The following EIF3L variants were observed in gnomAD, a reference collection of about 807,000 sequenced individuals.
The protein encoded by EIF3L is eukaryotic translation initiation factor 3 subunit L.
In EIF3L, 32 loss-of-function variants were observed where a neutral mutation model predicts 74.6. That is an observed-to-expected ratio of 0.43 (90% confidence interval 0.32 to 0.58). EIF3L has a LOEUF of 0.58. Among genes scored for constraint, EIF3L ranks in the 20% least tolerant of loss-of-function variants. The probability of loss-of-function intolerance (pLI) is 0.06; values close to 1 mark genes in which losing one functional copy is unlikely to be tolerated. For synonymous variants in EIF3L, 256 were observed against 254.4 expected, an observed-to-expected ratio of 1.01 and a Z score of -0.06; for missense variants, 474 against 707.8, an observed-to-expected ratio of 0.67 and a Z score of 3.75.
At chr22:37,858,797 G>A in intron 5 of EIF3L, 57 bp downstream of exon 5, 1 of 1,458,060 alleles carries the variant, frequency 6.9e-7, no homozygotes, top group Non-Finnish European at 9.4e-7. Flanking sequence ...ACTCTGTGCT[G>A]TTTTTGTCCC....
chr22:37,866,437 G>C (rs572332014), intron 7 of EIF3L, among the ~76,000 whole-genome samples: 1 of 152,276 alleles, frequency 6.6e-6, no homozygotes, highest in East Asian at 1.9e-4. Context: ...ATTGTGGATT[G>C]AACGATACTT....
rs1482001559 is a variant in EIF3L at position 37,877,968 on chromosome 22, T to C, written c.1372T>C (p.Ser458Pro). The C allele has an allele frequency of 1.9e-6, 3 of 1,612,574 alleles. No homozygotes were observed. Among genetic ancestry groups the C allele is most frequent in the Non-Finnish European group, 2.5e-6 (3 of 1,179,878 alleles). Residue 458 changes from serine to proline, a missense_variant, in exon 11 of 13, where the codon TCA (serine) becomes CCA (proline). Transcript: ENST00000652021. ...TGAAGTACAGCAGCAGGCCCAGCTT[T>C]CAACCATCCGCAGCTTCCTGAAGCT... ...SDEVQQQAQL[S>P]TIRSFLKLYT... is the part of the protein sequence containing the mutation.
intron 4 of EIF3L, among the ~76,000 whole-genome samples, chr22:37,858,072 A>G (rs1330369404): frequency 1.3e-5 from 2 of 151,818 alleles, no homozygotes; most frequent in African/African-American, 4.8e-5. Flanking sequence ...CCTACTCGGG[A>G]GGCTGAGGTG....
At chr22:37,856,640 T>C (rs1601755658) in intron 4 of EIF3L, among the ~76,000 whole-genome samples, 1 of 151,426 alleles carries the variant, frequency 6.6e-6, no homozygotes, top group Non-Finnish European at 1.5e-5. Flanking sequence ...AGGTCGGGAG[T>C]TCGAGACCAG....
intron 10 of EIF3L, chr22:37,877,409 A>C (rs924040307): frequency 1.2e-5 from 5 of 433,384 alleles, no homozygotes; most frequent in Non-Finnish European, 2.0e-5. Context: ...TTGACCTGCT[A>C]GTGATGTGTG....
intron 11 of EIF3L, chr22:37,881,744 T>A (rs1198920226): frequency 6.6e-6 from 1 of 152,146 alleles, no homozygotes; most frequent in Non-Finnish European, 1.5e-5. Context: ...CAAATGTCCA[T>A]AGGGCAGAGG....
intron 11 of EIF3L, 174 bp from the exon 12 acceptor site, chr22:37,886,591 T>C: frequency 2.4e-6 from 1 of 415,896 alleles, no homozygotes; most frequent in Non-Finnish European, 4.4e-6. Context: ...AAAGAAAAAC[T>C]CTCTAGAAAG....
intron 3 of EIF3L, among the ~76,000 whole-genome samples, chr22:37,855,300 G>T (rs1925440872): frequency 6.6e-6 from 1 of 152,142 alleles, no homozygotes; most frequent in Non-Finnish European, 1.5e-5. Flanking sequence ...GTTAAATATG[G>T]CTATAGTTAA....
At chr22:37,886,449 A>G (rs1251694841) in intron 11 of EIF3L, 2 of 169,970 alleles carry the variant, frequency 1.2e-5, no homozygotes, top group African/African-American at 4.8e-5. Context: ...GGAGCCTGTA[A>G]TCCCAGCTAC....
chr22:37,865,624 T>C (rs1388345372), intron 7 of EIF3L, among the ~76,000 whole-genome samples: 3 of 152,202 alleles, frequency 2.0e-5, no homozygotes, highest in African/African-American at 4.8e-5. Flanking sequence ...GTATACAAAG[T>C]GCTGAACCGT....
At position 37,870,284 on chromosome 22, in the gene EIF3L, G is replaced by A. The variant is rs1324741179; in HGVS notation, c.688G>A (p.Val230Ile). 1.9e-6 allele frequency: 3 copies of A among 1,613,848 alleles called. No homozygotes were observed. The highest frequency in any genetic ancestry group is 1.3e-5 in the African/African-American group (1 of 74,904). The change falls in exon 8 of 13, where the codon GTC becomes ATC. Residue 230 changes from valine (V) to isoleucine (I), a missense_variant. Val to Ile is a conservative substitution (Grantham distance 29). Coordinates refer to ENST00000652021, the MANE Select transcript of EIF3L (RefSeq NM_016091.4). ...CTGGAATGTTCATAGTGTCCTCAAT[G>A]TCCTTCATTCCCTGGTAGACAAATC... Reference protein sequence around the residue: ...KIWNVHSVLNVLHSLVDKSNI... With the variant: ...KIWNVHSVLNILHSLVDKSNI...
At chr22:37,863,092 T>C (rs1381323416) in intron 6 of EIF3L, 54 bp downstream of exon 6, 1 of 1,463,382 alleles carries the variant, frequency 6.8e-7, no homozygotes, top group Non-Finnish European at 9.3e-7. Flanking sequence ...AGGTTCAGCA[T>C]TGGCCTCCAG....
chr22:37,884,901 CTTTTTTTTTTTTTT>C (rs10605799), intron 11 of EIF3L: 3 of 36,062 alleles, frequency 8.3e-5, no homozygotes, highest in East Asian at 2.4e-3. Flanking sequence ...CATGTCAAGC[CTTTTTTTTTTTTTT>C]TTTTTTTTTT....
intron 7 of EIF3L, among the ~76,000 whole-genome samples, chr22:37,867,032 G>T (rs1926187949): frequency 6.6e-6 from 1 of 152,096 alleles, no homozygotes; most frequent in African/African-American, 2.4e-5. Context: ...GCAACTGTTG[G>T]TTTTTTTGTT....
Position 37,869,639 on chromosome 22 carries a change from C to T in EIF3L, c.580-537C>T, listed in dbSNP as rs574911404. ...CAAACAGATTCCTGTGGCATATCTTCTCTGTGTTCGTTGTGCTTGGCCAGA... is the reference window on the plus strand; with the variant it reads ...CAAACAGATTCCTGTGGCATATCTTTTCTGTGTTCGTTGTGCTTGGCCAGA... On this transcript the variant is annotated intron_variant, in intron 7 of 12. Coordinates refer to ENST00000652021, the MANE Select transcript of EIF3L (RefSeq NM_016091.4). 4.1e-4 allele frequency among the ~76,000 whole-genome samples: 63 copies of T among 152,280 alleles called. 2 individuals are homozygous for T. In the South Asian group the frequency reaches 0.012, roughly 30 times the overall value.
chr22:37,867,946 C>T lies in EIF3L; in HGVS notation c.580-2230C>T, dbSNP rs146856459. Among the ~76,000 whole-genome samples the T allele has an allele frequency of 5.9e-3, 818 of 138,800 alleles. 17 individuals are homozygous for T. Among genetic ancestry groups the T allele is most frequent in the African/African-American group, 0.021 (786 of 37,188 alleles). 91.1% of individuals were successfully genotyped at this position (138,800 alleles called of 152,430 possible). On this transcript the variant is annotated intron_variant, in intron 7 of 12. Coordinates refer to ENST00000652021, the MANE Select transcript of EIF3L (RefSeq NM_016091.4). ...CTCCAGCCTCGGAGACAGAGCGAGA[C>T]TCCATCTCAAAAAAAAAAAAAAAAG...
Position 37,877,862 on chromosome 22 carries a change from G to A in EIF3L, c.1266G>A (p.Ser422=), listed in dbSNP as rs536868063. ...LFSYSCPKFL[S]PVVPNYDNVH... ...GTTACTCCTGCCCCAAGTTCCTGTC[G>A]CCTGTAGTGCCCAACTATGATAATG... is the stretch of plus-strand genomic sequence containing the variant. Residue 422 remains serine (S), a synonymous_variant, in exon 11 of 13, where the codon TCG becomes TCA. Transcript: ENST00000652021. 1.4e-5 allele frequency: 23 copies of A among 1,613,426 alleles called. No homozygotes were observed. Among genetic ancestry groups the A allele is most frequent in the Non-Finnish European group, 1.7e-5 (20 of 1,179,864 alleles).
At chr22:37,851,158 C>CT in intron 2 of EIF3L, 122 bp from the exon 3 acceptor site, 1 of 691,762 alleles carries the variant, frequency 1.4e-6, no homozygotes, top group South Asian at 1.9e-5. Context: ...GTTTGTATCT[C>CT]TGAGTATTCA....
At chr22:37,857,381 A>AC (rs1164220765) in intron 4 of EIF3L, among the ~76,000 whole-genome samples, 3 of 150,946 alleles carry the variant, frequency 2.0e-5, no homozygotes, top group Admixed American at 6.6e-5. Flanking sequence ...AAAAAAAAAA[A>AC]AAAAAAAAAA....
Sources: allele counts gnomAD v4.1 joint callset (sites outside exome capture counted in the v4.1 genomes callset), GRCh38; gene constraint gnomAD v4.1.1; transcripts MANE v1.5; gene names NCBI Gene and HGNC (gene_info 2026-07-23, HGNC 2026-07-21).